Variants in ATXN2 observed in about 807,000 individuals in gnomAD.
The protein encoded by ATXN2 is ataxin 2.
A neutral mutation model predicts 138.6 loss-of-function variants in ATXN2; 37 were observed. The observed-to-expected ratio is 0.27, with a 90% CI of 0.21 to 0.35. ATXN2 has a LOEUF of 0.35. ATXN2 is among the 10% of genes least tolerant of loss of function. ATXN2 has a pLI of 1.00. For missense variants in ATXN2, 1,216 were observed against 1,480.3 expected (o/e 0.82, Z 2.93); for synonymous variants, 549 against 543.7 (o/e 1.01, Z -0.13).
At chr12:111,571,134 G>A (rs770409077) in intron 1 of ATXN2, among the ~76,000 whole-genome samples, 2 of 152,282 alleles carry the variant, frequency 1.3e-5, no homozygotes, top group Non-Finnish European at 2.9e-5. Flanking sequence ...CTTACATCAC[G>A]AAGTATGAAG....
At chr12:111,492,123 T>C (rs908241346) in intron 14 of ATXN2, among the ~76,000 whole-genome samples, 1 of 152,058 alleles carries the variant, frequency 6.6e-6, no homozygotes, top group Non-Finnish European at 1.5e-5. Flanking sequence ...ACGGTGGCCA[T>C]GGCAGTGCTT....
chr12:111,575,739 T>C (rs567657899), intron 1 of ATXN2, among the ~76,000 whole-genome samples: 21 of 152,180 alleles, frequency 1.4e-4, no homozygotes, highest in Non-Finnish European at 2.9e-4. Context: ...GGTATGCCTA[T>C]AAATGCCATG....
At position 111,598,096 on chromosome 12, in the gene ATXN2, C is replaced by T. The variant is rs1885028631; in HGVS notation, c.251+688G>A. ...AACGCTGCCGGAGGCCACATGGAGC[C>T]CCACGATTTCAGGGGAGTTCGGGAG... On this transcript the variant is annotated intron_variant, in intron 1 of 24. Transcript: ENST00000673436. The surrounding 1 kb of genome is among the most constrained non-coding windows in gnomAD (Gnocchi z 4.5). 8.8e-7 allele frequency: 1 copy of T among 1,133,106 alleles called. No individual in the cohort carries two copies. The highest frequency in any genetic ancestry group is 1.1e-6 in the Non-Finnish European group (1 of 910,602). The allele number at this position is 1,133,106 out of a possible 1,614,324, so 70.2% of individuals were successfully genotyped here.
intron 18 of ATXN2, among the ~76,000 whole-genome samples, chr12:111,476,665 T>C (rs1417667494): frequency 6.6e-6 from 1 of 152,034 alleles, no homozygotes; most frequent in Non-Finnish European, 1.5e-5. Flanking sequence ...ACAGATGAAA[T>C]ATTAAGGGAT....
intron 1 of ATXN2, chr12:111,581,701 C>A: frequency 1.5e-6 from 1 of 679,252 alleles, no homozygotes; most frequent in South Asian, 1.5e-5. Context: ...GCCTGAACAT[C>A]TGGGCCCTGA....
intron 1 of ATXN2, among the ~76,000 whole-genome samples, chr12:111,574,637 G>A (rs747930970): frequency 6.6e-6 from 1 of 152,000 alleles, no homozygotes; most frequent in Non-Finnish European, 1.5e-5. Context: ...TGCCTAGGCT[G>A]ATCTTGAATT....
intron 1 of ATXN2, among the ~76,000 whole-genome samples, chr12:111,589,395 G>A (rs759674075): frequency 6.6e-6 from 1 of 152,156 alleles, no homozygotes; most frequent in Non-Finnish European, 1.5e-5. Flanking sequence ...CACCTTGGGA[G>A]GCCAAGGAGG....
intron 1 of ATXN2, among the ~76,000 whole-genome samples, chr12:111,566,724 C>T (rs1184630615): frequency 5.3e-5 from 8 of 151,792 alleles, no homozygotes; most frequent in Non-Finnish European, 1.2e-4. Context: ...GCAACCTCCA[C>T]CTCCCAGGTT....
rs1317569123 is a variant in ATXN2, at chr12:111,598,883, G to T, written c.152C>A (p.Ala51Glu). The part of the protein sequence containing the change: ...GSGLLASPAA[A>E]PSPSSSSVSS... ...GACCGAGGACGAGGACGGCGAAGGCGCGGCGGCGGGCGACGCTAGAAGGCC... is the reference window on the plus strand; with the variant it reads ...GACCGAGGACGAGGACGGCGAAGGCTCGGCGGCGGGCGACGCTAGAAGGCC... Residue 51 changes from alanine (A) to glutamate (E), a missense_variant, in exon 1 of 25, where the codon GCG becomes GAG. Physicochemically the swap from Ala to Glu is moderately radical, Grantham distance 107. Around this residue, in one of 4 missense-constraint regions of ATXN2, gnomAD observed 110 missense variants for 88.7 expected, o/e 1.24. Coordinates refer to ENST00000673436, the MANE Select transcript of ATXN2 (RefSeq NM_001372574.1). The surrounding 1 kb of genome is among the most constrained non-coding windows in gnomAD (Gnocchi z 4.5). The T allele has an allele frequency of 6.7e-7, 1 of 1,497,252 alleles. No individual in the cohort carries two copies. Among genetic ancestry groups the T allele is most frequent in the Non-Finnish European group, 8.9e-7 (1 of 1,129,632 alleles). 92.7% of individuals were successfully genotyped at this position (1,497,252 alleles called of 1,614,324 possible). A position where few individuals can be genotyped will look rare whatever the true frequency, so the allele number is the denominator to read the frequency against.
At chr12:111,514,811 C>G (rs924535950) in intron 10 of ATXN2, among the ~76,000 whole-genome samples, 2 of 152,116 alleles carry the variant, frequency 1.3e-5, no homozygotes, top group Non-Finnish European at 2.9e-5. Flanking sequence ...TAAACACGAA[C>G]ATGATCTTTA....
intron 1 of ATXN2, among the ~76,000 whole-genome samples, chr12:111,580,996 G>T (rs1883965599): frequency 6.6e-6 from 1 of 151,774 alleles, no homozygotes; most frequent in Admixed American, 6.6e-5. Flanking sequence ...AACCTAGCCG[G>T]CTGTGGTGGC....
intron 5 of ATXN2, among the ~76,000 whole-genome samples, chr12:111,527,501 A>G (rs1436752204): frequency 6.6e-6 from 1 of 152,254 alleles, no homozygotes; most frequent in Non-Finnish European, 1.5e-5. Flanking sequence ...CTTCAAGCCT[A>G]GCTAATTCTA....
intron 5 of ATXN2, among the ~76,000 whole-genome samples, chr12:111,542,038 G>C (rs1287355497): frequency 6.7e-6 from 1 of 148,920 alleles, no homozygotes; most frequent in Non-Finnish European, 1.5e-5. Flanking sequence ...AAAGTGCTGG[G>C]ATTACAGGCG....
chr12:111,514,099 T>TC (rs1352235451), intron 10 of ATXN2, among the ~76,000 whole-genome samples: 8 of 152,190 alleles, frequency 5.3e-5, no homozygotes, highest in Non-Finnish European at 1.2e-4. Context: ...ATTTATCTCT[T>TC]CTATCATGAT....
intron 18 of ATXN2, chr12:111,470,949 C>T: frequency 8.7e-6 from 5 of 577,158 alleles, no homozygotes; most frequent in South Asian, 6.4e-5. Context: ...CAAATCCCAG[C>T]TGGGATAATT....
chr12:111,453,926 TG>T lies in ATXN2; in HGVS notation c.3271-82del. On this transcript the variant is annotated intron_variant, in intron 23 of 24. Coordinates refer to ENST00000673436, the MANE Select transcript of ATXN2 (RefSeq NM_001372574.1). This position sits in a 1 kb window ranked among gnomAD's most constrained non-coding sequence, Gnocchi z 5.4. ...GTCAACTGTGTTCCTTTCACTGGGC[TG>T]GGACTCTCAGGAAAGGGCAACGGTG... 6.9e-7 allele frequency: 1 copy of T among 1,448,870 alleles called. No homozygotes were observed. Among genetic ancestry groups the T allele is most frequent in the Non-Finnish European group, 9.3e-7 (1 of 1,070,736 alleles). 89.8% of individuals were successfully genotyped at this position (1,448,870 alleles called of 1,614,324 possible).
At position 111,457,366 on chromosome 12, in the gene ATXN2, T is replaced by A. The variant is rs1283335977; in HGVS notation, c.2897-7A>T. The A allele has an allele frequency of 1.9e-6, 3 of 1,602,238 alleles. No individual in the cohort carries two copies. Among genetic ancestry groups the A allele is most frequent in the Admixed American group, 1.7e-5 (1 of 57,326 alleles). On this transcript the variant is annotated splice_polypyrimidine_tract_variant and splice_region_variant and intron_variant, in intron 21 of 24. Coordinates refer to ENST00000673436, the MANE Select transcript of ATXN2 (RefSeq NM_001372574.1). ...GCAAGGGAGCCCGTGGAAACTAAAGTGAAAGAAAAAGGAGCATGTACACAA... is the reference window on the plus strand; with the variant it reads ...GCAAGGGAGCCCGTGGAAACTAAAGAGAAAGAAAAAGGAGCATGTACACAA...
intron 6 of ATXN2, among the ~76,000 whole-genome samples, chr12:111,522,578 C>T (rs963777185): frequency 6.7e-6 from 1 of 149,482 alleles, no homozygotes; most frequent in Non-Finnish European, 1.5e-5. Flanking sequence ...CCACTGCACT[C>T]AAGTCTGGGC....
intron 1 of ATXN2, chr12:111,581,233 C>T (rs1883986187): frequency 3.1e-6 from 1 of 317,958 alleles, no homozygotes; most frequent in Non-Finnish European, 5.9e-6. Flanking sequence ...GGTAAATAAC[C>T]CTCTTGGTCT....
Sources: allele counts gnomAD v4.1 joint callset (sites outside exome capture counted in the v4.1 genomes callset), GRCh38; gene constraint gnomAD v4.1.1; regional missense constraint gnomAD v4.1.1; non-coding constraint Gnocchi (gnomAD v3.1); transcripts MANE v1.5; gene names NCBI Gene and HGNC (gene_info 2026-07-23, HGNC 2026-07-21).